The following ESYT2 variants were observed in gnomAD, a reference collection of about 807,000 sequenced individuals.
The protein encoded by ESYT2 is extended synaptotagmin 2.
ESYT2 carries 54 observed loss-of-function variants against 107.2 expected under a neutral mutation model. The ratio of observed to expected loss-of-function variants is 0.50; its 90% CI spans 0.40 to 0.63. The LOEUF is 0.63. Ranked by LOEUF, ESYT2 falls within the 30% of genes least tolerant of loss-of-function variation. The probability of loss-of-function intolerance (pLI) is 0.00; values close to 1 mark genes in which losing one functional copy is unlikely to be tolerated. For missense variants in ESYT2, 1,020 were observed against 1,094.5 expected, an observed-to-expected ratio of 0.93 and a Z score of 0.96; for synonymous variants, 491 against 434.1, an observed-to-expected ratio of 1.13 and a Z score of -1.63.
rs759412882 is a variant in ESYT2 at position 158,741,936 on chromosome 7, A to G, written c.1795-40T>C. 3 of 1,537,584 alleles carry G rather than the reference A, an allele frequency of 2.0e-6. No individual in the cohort carries two copies. In the South Asian group the frequency reaches 3.9e-5, roughly 20 times the overall value. ...AAACATAAAAATTAAACTTGGTGAC[A>G]CTGGTAACATCCTAATACTGGAACA... On this transcript the variant is annotated intron_variant, in intron 17 of 22. Transcript: ENST00000275418.
At chr7:158,767,527 A>C in intron 8 of ESYT2, 127 bp downstream of exon 8, 1 of 1,283,546 alleles carries the variant, frequency 7.8e-7, no homozygotes, top group Non-Finnish European at 1.1e-6. Context: ...TAGTCAATGC[A>C]TCAAGACCCG....
chr7:158,776,168 T>C (rs1304627661), intron 6 of ESYT2, among the ~76,000 whole-genome samples: 8 of 152,332 alleles, frequency 5.3e-5, no homozygotes, highest in Non-Finnish European at 8.8e-5. Context: ...AGGCTTTGTT[T>C]TTCCAGGTAT....
At chr7:158,754,664 A>G (rs1837692990) in intron 13 of ESYT2, among the ~76,000 whole-genome samples, 1 of 152,226 alleles carries the variant, frequency 6.6e-6, no homozygotes. Context: ...TTCCACATAC[A>G]GACTGATGAA....
At chr7:158,759,638 TTCTA>T in intron 12 of ESYT2, 57 bp from the exon 13 acceptor site, 1 of 1,382,474 alleles carries the variant, frequency 7.2e-7, no homozygotes, top group Non-Finnish European at 1.0e-6. Flanking sequence ...TAGATACTAT[TTCTA>T]TCTGATTGTA....
chr7:158,822,706 G>A (rs1840319965), intron 1 of ESYT2, among the ~76,000 whole-genome samples: 1 of 152,114 alleles, frequency 6.6e-6, no homozygotes, highest in South Asian at 2.1e-4. Flanking sequence ...AGCCACTCAG[G>A]AGGCTGAGGC....
At position 158,829,480 on chromosome 7, in the gene ESYT2, G is replaced by C. The variant is rs1241619765; in HGVS notation, c.-62C>G. 4 of 1,215,924 alleles carry C rather than the reference G, an allele frequency of 3.3e-6. No individual in the cohort carries two copies. The highest frequency in any genetic ancestry group is 1.6e-5 in the African/African-American group (1 of 63,172). 75.3% of individuals were successfully genotyped at this position (1,215,924 alleles called of 1,614,324 possible). On this transcript the variant is annotated 5_prime_UTR_variant, in exon 1 of 23. Transcript: ENST00000275418. ...GGGCTGGGTGCTCGCGCTGATCCCGGGCGGCTCAGCCCCGCGCCAGCGCCC... is the reference window on the plus strand; with the variant it reads ...GGGCTGGGTGCTCGCGCTGATCCCGCGCGGCTCAGCCCCGCGCCAGCGCCC...
Position 158,755,291 on chromosome 7 carries a change from T to C in ESYT2, c.1420-2448A>G, listed in dbSNP as rs112118354. On this transcript the variant is annotated intron_variant, in intron 13 of 22. Transcript: ENST00000275418. ...AAAACTGAGAAGCACTGATCTGGCTTCACGTTGAAAACCAATGGGTGGGGG... is the reference window on the plus strand; with the variant it reads ...AAAACTGAGAAGCACTGATCTGGCTCCACGTTGAAAACCAATGGGTGGGGG... 4.8e-3 allele frequency among the ~76,000 whole-genome samples: 732 copies of C among 152,350 alleles called. 11 individuals are homozygous for C. Among genetic ancestry groups the C allele is most frequent in the African/African-American group, 0.016 (662 of 41,586 alleles).
At position 158,763,162 on chromosome 7, in the gene ESYT2, A is replaced by G. The variant is rs1563634912; in HGVS notation, c.1105T>C (p.Leu369=). The change falls in exon 10 of 23, where the codon TTA becomes CTA. Residue 369 remains leucine (L), a synonymous_variant. Transcript: ENST00000275418. The part of the protein sequence containing the change: ...SPKWNEVYEA[L]VYEHPGQELE... The stretch of plus-strand genomic sequence containing the variant: ...TCTTGTCCAGGATGTTCATACACTA[A>G]AGCCTAAAACATCAATGGTTAGTAG... The G allele has an allele frequency of 3.1e-6, 5 of 1,612,122 alleles. No individual in the cohort carries two copies. The highest frequency in any genetic ancestry group is 4.2e-6 in the Non-Finnish European group (5 of 1,178,906).
At chr7:158,759,369 G>A in intron 13 of ESYT2, 117 bp downstream of exon 13, 1 of 784,248 alleles carries the variant, frequency 1.3e-6, no homozygotes, top group Non-Finnish European at 2.0e-6. Flanking sequence ...TGGACGTGAA[G>A]TGAAAACACA....
At chr7:158,788,534 G>T in intron 4 of ESYT2, 117 bp from the exon 5 acceptor site, 1 of 899,936 alleles carries the variant, frequency 1.1e-6, no homozygotes, top group Non-Finnish European at 1.7e-6. Flanking sequence ...AAATCAGATT[G>T]TAGGTAAAAA....
chr7:158,818,471 C>A (rs1563040989), intron 1 of ESYT2, among the ~76,000 whole-genome samples: 1 of 152,164 alleles, frequency 6.6e-6, no homozygotes, highest in Non-Finnish European at 1.5e-5. Flanking sequence ...AAACAAACCA[C>A]GGTGGAACAG....
Position 158,737,191 on chromosome 7 carries a change from A to C in ESYT2, c.2268-12T>G. ...AGGCAATGAGGTTTCTTACAACACA[A>C]ACCAGATAAGACGAGGTATTAGGAC... is the stretch of plus-strand genomic sequence containing the variant. On this transcript the variant is annotated splice_polypyrimidine_tract_variant and intron_variant, in intron 19 of 22. Coordinates refer to ENST00000275418, the MANE Select transcript of ESYT2 (RefSeq NM_001367773.1). 1 of 1,613,286 alleles carries C rather than the reference A, an allele frequency of 6.2e-7. No individual in the cohort carries two copies. The highest frequency in any genetic ancestry group is 8.5e-7 in the Non-Finnish European group (1 of 1,179,350).
At chr7:158,763,195 C>T in intron 9 of ESYT2, 30 bp from the exon 10 acceptor site, 1 of 1,538,248 alleles carries the variant, frequency 6.5e-7, no homozygotes, top group Non-Finnish European at 9.0e-7. Flanking sequence ...TAGTTAAGTG[C>T]ATTTTTACTA....
chr7:158,820,748 T>C (rs996997625), intron 1 of ESYT2, among the ~76,000 whole-genome samples: 2 of 152,210 alleles, frequency 1.3e-5, no homozygotes, highest in Admixed American at 6.5e-5. Flanking sequence ...ATTGTGCCAC[T>C]GCACTCCAGT....
intron 1 of ESYT2, among the ~76,000 whole-genome samples, chr7:158,821,605 T>C (rs1423593548): frequency 6.6e-6 from 1 of 152,254 alleles, no homozygotes; most frequent in African/African-American, 2.4e-5. Context: ...CCTGAGGGCC[T>C]GGGCCAGCCA....
At chr7:158,827,162 CA>C (rs34940580) in intron 1 of ESYT2, among the ~76,000 whole-genome samples, 15,831 of 105,884 alleles carry the variant, frequency 0.15, 845 homozygotes, top group Middle Eastern at 0.23. Flanking sequence ...GGCTCTGTCT[CA>C]AAAAAAAAAA....
chr7:158,754,326 C>T (rs1333242738), intron 13 of ESYT2, among the ~76,000 whole-genome samples: 3 of 152,184 alleles, frequency 2.0e-5, no homozygotes. Flanking sequence ...CCTCCCTCAG[C>T]TTCCCAAAAA....
rs552357745 is a variant in ESYT2 at position 158,757,238 on chromosome 7, T to A, written c.1419+2248A>T. On this transcript the variant is annotated intron_variant, in intron 13 of 22. Transcript: ENST00000275418. ...TGCAAGAAAATAAAAGCATGCAACA[T>A]CAGTCCACCGCCAGCCAACTGCATT... Among the ~76,000 whole-genome samples, 74 of 152,228 alleles carry A rather than the reference T, an allele frequency of 4.9e-4. 1 individual carries two copies. Among genetic ancestry groups the A allele is most frequent in the South Asian group, 2.7e-3 (13 of 4,824 alleles).
intron 1 of ESYT2, among the ~76,000 whole-genome samples, chr7:158,814,852 C>T (rs1330205868): frequency 6.6e-6 from 1 of 152,166 alleles, no homozygotes; most frequent in African/African-American, 2.4e-5. Context: ...CTCTGAAGAG[C>T]GGAAATGACA....
Sources: gnomAD v4.1 joint callset for allele counts (sites outside exome capture counted in the v4.1 genomes callset) on GRCh38, gnomAD v4.1.1 for gene constraint, MANE v1.5 for transcripts, NCBI Gene and HGNC (gene_info 2026-07-23, HGNC 2026-07-21) for gene names.